The following CDC42SE2 variants were observed in gnomAD, a reference collection of about 807,000 sequenced individuals.
CDC42SE2 encodes CDC42 small effector 2, also known as CDC42 small effector protein 2.
CDC42SE2 carries 3 observed loss-of-function variants against 11.5 expected under a neutral mutation model. That is an observed-to-expected ratio of 0.26 (90% CI 0.12 to 0.67). The LOEUF is 0.67. Ranked by LOEUF, CDC42SE2 falls within the 30% of genes least tolerant of loss-of-function variation. The probability of loss-of-function intolerance (pLI) is 0.80; values close to 1 mark genes in which losing one functional copy is unlikely to be tolerated. For missense variants in CDC42SE2, 82 were observed against 106.8 expected (o/e 0.77, Z 1.02); for synonymous variants, 33 against 34.8 (o/e 0.95, Z 0.18).
intron 1 of CDC42SE2, among the ~76,000 whole-genome samples, chr5:131,305,012 G>A (rs1757752596): frequency 6.6e-6 from 1 of 151,970 alleles, no homozygotes. Flanking sequence ...CCCTTTGTAG[G>A]CCCTCCTTTT....
intron 3 of CDC42SE2, among the ~76,000 whole-genome samples, chr5:131,382,533 C>T (rs1164404449): frequency 6.6e-6 from 1 of 152,192 alleles, no homozygotes; most frequent in East Asian, 1.9e-4. Context: ...TCTGCAGGTT[C>T]ACAGGACAAG....
At chr5:131,268,819 C>T (rs1212523864) in intron 1 of CDC42SE2, among the ~76,000 whole-genome samples, 1 of 136,856 alleles carries the variant, frequency 7.3e-6, no homozygotes, top group African/African-American at 2.8e-5. Context: ...GGTCCCATCT[C>T]GGCTTACTGC....
the CDC42SE2 span, among the ~76,000 whole-genome samples, chr5:131,232,696 T>C: frequency 5.2e-3 from 679 of 130,226 alleles, 6 homozygotes; most frequent in African/African-American, 0.02. Context: ...ATCATGCCAC[T>C]GCACTCCAGC....
chr5:131,314,618 T>C (rs561276042), intron 1 of CDC42SE2, among the ~76,000 whole-genome samples: 2 of 152,344 alleles, frequency 1.3e-5, no homozygotes, highest in South Asian at 4.1e-4. Flanking sequence ...TGAGTATTGA[T>C]CCTGCAACCT....
At chr5:131,231,139 G>C in the CDC42SE2 span, among the ~76,000 whole-genome samples, 16 of 152,044 alleles carry the variant, frequency 1.1e-4, no homozygotes, top group African/African-American at 3.9e-4. Context: ...ATACCAGTTT[G>C]TGTCTTCTCC....
chr5:131,254,551 AAAAG>A (rs1379135953), intron 1 of CDC42SE2, among the ~76,000 whole-genome samples: 6 of 152,056 alleles, frequency 3.9e-5, no homozygotes, highest in Non-Finnish European at 5.9e-5. Context: ...CGAAAAAAAA[AAAAG>A]AGAGACAGAA....
At chr5:131,310,543 G>A (rs1303942132) in intron 1 of CDC42SE2, among the ~76,000 whole-genome samples, 5 of 151,722 alleles carry the variant, frequency 3.3e-5, no homozygotes, top group Non-Finnish European at 5.9e-5. Flanking sequence ...TGTTGACAGT[G>A]GGGTGTTAAA....
intron 3 of CDC42SE2, among the ~76,000 whole-genome samples, chr5:131,383,489 A>G (rs1162252352): frequency 1.3e-5 from 2 of 152,216 alleles, no homozygotes; most frequent in Non-Finnish European, 2.9e-5. Flanking sequence ...TTATAGACTT[A>G]TAATTTATAT....
At chr5:131,353,578 G>A (rs1749432895) in intron 2 of CDC42SE2, among the ~76,000 whole-genome samples, 2 of 152,006 alleles carry the variant, frequency 1.3e-5, no homozygotes, top group Non-Finnish European at 2.9e-5. Flanking sequence ...CATCATGCCC[G>A]GCCTACTTTT....
At chr5:131,318,494 C>T (rs1348836998) in intron 2 of CDC42SE2, among the ~76,000 whole-genome samples, 1 of 152,110 alleles carries the variant, frequency 6.6e-6, no homozygotes, top group Non-Finnish European at 1.5e-5. Context: ...GAGATGAAGG[C>T]ACTTATTTTT....
chr5:131,339,912 C>A (rs1196384057), intron 2 of CDC42SE2, among the ~76,000 whole-genome samples: 2 of 151,632 alleles, frequency 1.3e-5, no homozygotes, highest in Non-Finnish European at 2.9e-5. Flanking sequence ...AGGTAAAAGT[C>A]CTAAATATAT....
rs571036163 is a variant in CDC42SE2, at chr5:131,394,579, G to A, written c.*3488G>A. 6.6e-6 allele frequency: 1 copy of A among 152,306 alleles called. No individual in the cohort carries two copies. The highest frequency in any genetic ancestry group is 2.1e-4 in the South Asian group (1 of 4,822). The allele number at this position is 152,306 out of a possible 1,614,324, so 9.4% of individuals were successfully genotyped here. ...TAAGCATACTTTTTTTGTACATTGT[G>A]TTCATTCTTGAATAAAATGAGTTCT... On this transcript the variant is annotated 3_prime_UTR_variant, in exon 5 of 5. Coordinates refer to ENST00000505065, the MANE Select transcript of CDC42SE2 (RefSeq NM_001375635.1).
chr5:131,236,333 T>C, the CDC42SE2 span, among the ~76,000 whole-genome samples: 7 of 152,192 alleles, frequency 4.6e-5, no homozygotes, highest in Non-Finnish European at 1.5e-5. Flanking sequence ...CTTGAAGTAT[T>C]TTCATAGTTT....
At chr5:131,369,936 A>G (rs1279864245) in intron 3 of CDC42SE2, among the ~76,000 whole-genome samples, 1 of 152,250 alleles carries the variant, frequency 6.6e-6, no homozygotes, top group Non-Finnish European at 1.5e-5. Context: ...CACTAATTTA[A>G]TTCAGTGCTT....
chr5:131,218,535 T>C, the CDC42SE2 span, among the ~76,000 whole-genome samples: 3 of 152,176 alleles, frequency 2.0e-5, no homozygotes, highest in African/African-American at 7.2e-5. Flanking sequence ...CACTCTGAGG[T>C]ATGGAATGAT....
At chr5:131,232,164 A>G in the CDC42SE2 span, among the ~76,000 whole-genome samples, 1 of 151,612 alleles carries the variant, frequency 6.6e-6, no homozygotes, top group African/African-American at 2.4e-5. Flanking sequence ...CCCAGGCTGG[A>G]GGGCAGTGGC....
intron 2 of CDC42SE2, among the ~76,000 whole-genome samples, chr5:131,257,185 G>A (rs1354498995): frequency 6.6e-6 from 1 of 150,406 alleles, no homozygotes; most frequent in Non-Finnish European, 1.5e-5. Flanking sequence ...AGTGTAGATG[G>A]GTGTGAAGAA....
intron 1 of CDC42SE2, among the ~76,000 whole-genome samples, chr5:131,253,738 C>T (rs957276349): frequency 6.6e-6 from 1 of 151,994 alleles, no homozygotes; most frequent in Non-Finnish European, 1.5e-5. Flanking sequence ...GCACTCCAGC[C>T]TGGGCAACAA....
intron 1 of CDC42SE2, among the ~76,000 whole-genome samples, chr5:131,282,738 C>T (rs532375060): frequency 2.0e-5 from 3 of 151,890 alleles, no homozygotes; most frequent in African/African-American, 7.3e-5. Flanking sequence ...ATGCCATTCT[C>T]CTGCCTCAGC....
Sources: allele counts gnomAD v4.1 joint callset (sites outside exome capture counted in the v4.1 genomes callset), GRCh38; gene constraint gnomAD v4.1.1; transcripts MANE v1.5; gene names NCBI Gene and HGNC (gene_info 2026-07-23, HGNC 2026-07-21).